The following RPS6KA2 variants were observed in gnomAD, a reference collection of about 807,000 sequenced individuals.
RPS6KA2 encodes the protein ribosomal protein S6 kinase A2.
Under a neutral mutation model 91.8 loss-of-function variants are expected in RPS6KA2, and 42 were observed. The observed-to-expected ratio is 0.46, with a 90% CI of 0.36 to 0.59. The LOEUF is 0.59. Among genes scored for constraint, RPS6KA2 ranks in the 20% least tolerant of loss-of-function variants. RPS6KA2 has a pLI of 0.00. For missense variants in RPS6KA2, 798 were observed against 978.5 expected (o/e 0.82, Z 2.46); for synonymous variants, 414 against 393.6 (o/e 1.05, Z -0.61).
At chr6:166,458,111 G>A (rs1750934989) in intron 12 of RPS6KA2, among the ~76,000 whole-genome samples, 1 of 152,174 alleles carries the variant, frequency 6.6e-6, no homozygotes, top group South Asian at 2.1e-4. Flanking sequence ...CTACCCCCAA[G>A]TGTAACTGTA....
intron 2 of RPS6KA2, among the ~76,000 whole-genome samples, chr6:166,812,855 T>C (rs1779674224): frequency 1.3e-5 from 2 of 152,200 alleles, no homozygotes; most frequent in Non-Finnish European, 2.9e-5. Flanking sequence ...TAACAGGTTA[T>C]AAACTACAGC....
chr6:166,618,298 G>A (rs556717986), intron 1 of RPS6KA2, among the ~76,000 whole-genome samples: 7 of 152,180 alleles, frequency 4.6e-5, no homozygotes, highest in Non-Finnish European at 1.0e-4. Context: ...AGTCACATAC[G>A]GACAGTAACT....
At chr6:166,615,774 C>CA (rs1786385412) in intron 1 of RPS6KA2, among the ~76,000 whole-genome samples, 1 of 152,176 alleles carries the variant, frequency 6.6e-6, no homozygotes, top group South Asian at 2.1e-4. Flanking sequence ...AGGGAGAGCA[C>CA]ACCCCCCCAG....
intron 2 of RPS6KA2, among the ~76,000 whole-genome samples, chr6:166,785,348 G>T (rs1007382482): frequency 2.0e-5 from 3 of 152,228 alleles, no homozygotes; most frequent in Non-Finnish European, 2.9e-5. Context: ...TCCTCCCTAG[G>T]TCGCTGGCTC....
At chr6:166,515,942 C>T (rs1023641672) in intron 3 of RPS6KA2, among the ~76,000 whole-genome samples, 10 of 152,324 alleles carry the variant, frequency 6.6e-5, no homozygotes, top group African/African-American at 2.2e-4. Flanking sequence ...GCCCCTTCCC[C>T]GCTGAAGACT....
At chr6:166,671,497 C>T (rs971742096) in intron 2 of RPS6KA2, among the ~76,000 whole-genome samples, 3 of 152,052 alleles carry the variant, frequency 2.0e-5, no homozygotes, top group Non-Finnish European at 2.9e-5. Flanking sequence ...GAGGGGGAGC[C>T]GCTCCACCAC....
intron 5 of RPS6KA2, among the ~76,000 whole-genome samples, chr6:166,506,021 GA>G: frequency 6.6e-6 from 1 of 152,304 alleles, no homozygotes; most frequent in East Asian, 1.9e-4. Context: ...CATAGAAAGG[GA>G]ACACCTCACG....
At chr6:166,470,798 G>T (rs1780738724) in intron 10 of RPS6KA2, among the ~76,000 whole-genome samples, 1 of 152,240 alleles carries the variant, frequency 6.6e-6, no homozygotes, top group Admixed American at 6.5e-5. Flanking sequence ...GAATCTTGCT[G>T]CAGTTTCTGT....
chr6:166,503,040 C>A (rs1207621418), intron 6 of RPS6KA2, among the ~76,000 whole-genome samples: 1 of 152,168 alleles, frequency 6.6e-6, no homozygotes, highest in Non-Finnish European at 1.5e-5. Context: ...TTCATATATA[C>A]CTTCTACACA....
chr6:166,594,411 A>T lies in RPS6KA2; in HGVS notation c.99+32510T>A, dbSNP rs143603022. On this transcript the variant is annotated intron_variant, in intron 1 of 20. Transcript: ENST00000265678. ...AGCAGATCAAATATCTTATTAAAAA[A>T]ATTGTCACGTGAAAAAACAAAACAA... 6.6e-4 allele frequency among the ~76,000 whole-genome samples: 101 copies of T among 152,380 alleles called. No individual in the cohort carries two copies. The East Asian group carries it at 0.017, about 26-fold the overall frequency.
At chr6:166,510,239 C>A in intron 4 of RPS6KA2, 38 bp downstream of exon 4, 1 of 1,296,972 alleles carries the variant, frequency 7.7e-7, no homozygotes. Flanking sequence ...GAAGGTTGCC[C>A]TGGGTCCTCT....
intron 2 of RPS6KA2, among the ~76,000 whole-genome samples, chr6:166,837,764 G>A (rs1780358449): frequency 6.6e-6 from 1 of 152,244 alleles, no homozygotes; most frequent in Admixed American, 6.5e-5. Flanking sequence ...CAGGGAAGGT[G>A]GGGTTCCCAG....
chr6:166,838,109 T>C (rs1780368066), intron 2 of RPS6KA2, among the ~76,000 whole-genome samples: 2 of 152,236 alleles, frequency 1.3e-5, no homozygotes, highest in Non-Finnish European at 2.9e-5. Flanking sequence ...ACCTGAGTCA[T>C]GGGCTGAGGA....
At chr6:166,588,080 C>T (rs1305310086) in intron 1 of RPS6KA2, among the ~76,000 whole-genome samples, 1 of 152,196 alleles carries the variant, frequency 6.6e-6, no homozygotes, top group Non-Finnish European at 1.5e-5. Context: ...GAACTTCTTT[C>T]CAAGAAACAG....
intron 2 of RPS6KA2, among the ~76,000 whole-genome samples, chr6:166,706,976 C>G (rs1468840384): frequency 6.6e-6 from 1 of 152,172 alleles, no homozygotes; most frequent in African/African-American, 2.4e-5. Flanking sequence ...GGAAGGGTGA[C>G]AGCCATTCAA....
intron 5 of RPS6KA2, among the ~76,000 whole-genome samples, chr6:166,507,339 A>G (rs1782266556): frequency 6.6e-6 from 1 of 151,464 alleles, no homozygotes; most frequent in East Asian, 1.9e-4. Context: ...CTTCCTTAGA[A>G]CCAGGCAGCA....
At chr6:166,788,908 C>T (rs1099636) in intron 2 of RPS6KA2, among the ~76,000 whole-genome samples, 62,608 of 151,968 alleles carry the variant, frequency 0.41, 13,787 homozygotes, top group East Asian at 0.55. Flanking sequence ...AGGAACAGCT[C>T]CAGTCTACAG....
chr6:166,660,502 C>A (rs951950078), intron 2 of RPS6KA2, among the ~76,000 whole-genome samples: 22 of 152,192 alleles, frequency 1.4e-4, no homozygotes, highest in African/African-American at 3.9e-4. Context: ...AGACATCATG[C>A]CAGGCATAGC....
intron 8 of RPS6KA2, among the ~76,000 whole-genome samples, chr6:166,492,943 G>GTGATC (rs1781656642): frequency 6.7e-6 from 1 of 149,192 alleles, no homozygotes; most frequent in East Asian, 2.0e-4. Flanking sequence ...TGTTGGCCAG[G>GTGATC]CTGAACTGGA....
Sources: gnomAD v4.1 joint callset for allele counts (sites outside exome capture counted in the v4.1 genomes callset) on GRCh38, gnomAD v4.1.1 for gene constraint, MANE v1.5 for transcripts, NCBI Gene and HGNC (gene_info 2026-07-23, HGNC 2026-07-21) for gene names.